Variants in SLC8A3 observed in about 807,000 individuals in gnomAD.
The protein encoded by SLC8A3 is solute carrier family 8 member A3.
Under a neutral mutation model 65.4 loss-of-function variants are expected in SLC8A3, and 37 were observed. The ratio of observed to expected loss-of-function variants is 0.57; its 90% CI spans 0.44 to 0.74. The LOEUF is 0.74. SLC8A3 is among the 30% of genes least tolerant of loss of function. SLC8A3 has a pLI of 0.00. For missense variants in SLC8A3, 1,112 were observed against 1,172.1 expected, an observed-to-expected ratio of 0.95 and a Z score of 0.75; for synonymous variants, 461 against 444.5, an observed-to-expected ratio of 1.04 and a Z score of -0.47.
intron 2 of SLC8A3, among the ~76,000 whole-genome samples, chr14:70,128,736 T>C (rs916602179): frequency 1.3e-5 from 2 of 152,220 alleles, no homozygotes; most frequent in Non-Finnish European, 2.9e-5. Flanking sequence ...GGATCAGGCC[T>C]CAAGTTGTTA....
At chr14:70,106,952 CA>C (rs1217799947) in intron 2 of SLC8A3, among the ~76,000 whole-genome samples, 1 of 152,096 alleles carries the variant, frequency 6.6e-6, no homozygotes, top group African/African-American at 2.4e-5. Context: ...TCAGCTGAAT[CA>C]TAAAAGATGA....
intron 2 of SLC8A3, among the ~76,000 whole-genome samples, chr14:70,101,052 G>A (rs554820485): frequency 6.6e-6 from 1 of 152,192 alleles, no homozygotes; most frequent in East Asian, 1.9e-4. Flanking sequence ...AAAGACAGAA[G>A]TCAATTCATT....
chr14:70,163,686 G>A (rs1897013896), intron 2 of SLC8A3, among the ~76,000 whole-genome samples: 1 of 152,160 alleles, frequency 6.6e-6, no homozygotes, highest in African/African-American at 2.4e-5. Context: ...AATTAAGCAA[G>A]TTGTCTGAAA....
chr14:70,138,685 T>C (rs1332804247), intron 2 of SLC8A3, among the ~76,000 whole-genome samples: 1 of 152,198 alleles, frequency 6.6e-6, no homozygotes, highest in African/African-American at 2.4e-5. Flanking sequence ...TCAGAAAAGA[T>C]GGTCTTTGTA....
intron 1 of SLC8A3, among the ~76,000 whole-genome samples, chr14:70,184,971 T>C (rs1430079513): frequency 1.3e-5 from 2 of 148,270 alleles, no homozygotes; most frequent in Non-Finnish European, 1.5e-5. Context: ...CTTTTCTTTT[T>C]TTTTTTTTTT....
intron 2 of SLC8A3, among the ~76,000 whole-genome samples, chr14:70,105,580 G>C (rs1376860883): frequency 6.6e-6 from 1 of 152,080 alleles, no homozygotes; most frequent in Admixed American, 6.5e-5. Context: ...ATGTATTAAA[G>C]AAATTGCATT....
rs900350967 is a variant in SLC8A3 at position 70,188,397 on chromosome 14, C to G, written c.-81G>C. 6.6e-6 allele frequency: 1 copy of G among 152,194 alleles called. No homozygotes were observed. The highest frequency in any genetic ancestry group is 1.5e-5 in the Non-Finnish European group (1 of 68,062). The allele number at this position is 152,194 out of a possible 1,614,324, so 9.4% of individuals were successfully genotyped here. A position where few individuals can be genotyped will look rare whatever the true frequency, so the allele number is the denominator to read the frequency against. ...TACTCACCGTTTCCTCTCGGCCTCCCGAGCGGAGTGGGCAAGGGAGGGGGG... is the reference window on the plus strand; with the variant it reads ...TACTCACCGTTTCCTCTCGGCCTCCGGAGCGGAGTGGGCAAGGGAGGGGGG... On this transcript the variant is annotated 5_prime_UTR_variant, in exon 1 of 7. Transcript: ENST00000356921.
intron 2 of SLC8A3, among the ~76,000 whole-genome samples, chr14:70,086,171 A>G (rs1891418355): frequency 6.6e-6 from 1 of 152,020 alleles, no homozygotes; most frequent in Non-Finnish European, 1.5e-5. Context: ...AACACATCTC[A>G]TTTAAGTCTC....
At chr14:70,156,401 C>T (rs1896576988) in intron 2 of SLC8A3, among the ~76,000 whole-genome samples, 1 of 152,188 alleles carries the variant, frequency 6.6e-6, no homozygotes, top group Non-Finnish European at 1.5e-5. Context: ...TCACTCCATG[C>T]AGTTCTTTCT....
intron 2 of SLC8A3, among the ~76,000 whole-genome samples, chr14:70,162,460 C>T (rs972917161): frequency 6.6e-6 from 1 of 152,204 alleles, no homozygotes; most frequent in Admixed American, 6.5e-5. Flanking sequence ...GAACGTGCAG[C>T]ACAGCCAACA....
intron 2 of SLC8A3, among the ~76,000 whole-genome samples, chr14:70,158,711 T>C (rs905263734): frequency 6.6e-6 from 1 of 152,204 alleles, no homozygotes; most frequent in African/African-American, 2.4e-5. Context: ...ACTGAACTTA[T>C]ATATATACAC....
At chr14:70,162,063 T>C (rs1896927757) in intron 2 of SLC8A3, among the ~76,000 whole-genome samples, 1 of 152,200 alleles carries the variant, frequency 6.6e-6, no homozygotes, top group Non-Finnish European at 1.5e-5. Flanking sequence ...TCCTGAACAG[T>C]TCAAGGTGAA....
At chr14:70,155,374 C>CAA (rs1896517825) in intron 2 of SLC8A3, among the ~76,000 whole-genome samples, 1 of 152,120 alleles carries the variant, frequency 6.6e-6, no homozygotes, top group Non-Finnish European at 1.5e-5. Flanking sequence ...ATTAACCAAC[C>CAA]TCTCCCTATC....
At chr14:70,173,892 A>T (rs1897704290) in intron 1 of SLC8A3, among the ~76,000 whole-genome samples, 1 of 152,236 alleles carries the variant, frequency 6.6e-6, no homozygotes, top group Admixed American at 6.5e-5. Context: ...TCTGCTGCTT[A>T]GGTAGCTTGA....
chr14:70,072,874 G>C, intron 2 of SLC8A3, among the ~76,000 whole-genome samples: 1 of 152,022 alleles, frequency 6.6e-6, no homozygotes, highest in East Asian at 1.9e-4. Context: ...TCTCAAACTC[G>C]TGACCTCAGG....
chr14:70,151,261 GA>G (rs57192683), intron 2 of SLC8A3, among the ~76,000 whole-genome samples: 60,296 of 125,394 alleles, frequency 0.48, 12,699 homozygotes, highest in African/African-American at 0.62. Flanking sequence ...CTCAAAAAAA[GA>G]AAAAAAAAAA....
At chr14:70,067,404 T>A (rs1344455470) in intron 2 of SLC8A3, among the ~76,000 whole-genome samples, 1 of 152,132 alleles carries the variant, frequency 6.6e-6, no homozygotes, top group Non-Finnish European at 1.5e-5. Context: ...GCATCCAGTA[T>A]CTCCAGGCAG....
At chr14:70,129,268 T>C (rs1894673306) in intron 2 of SLC8A3, among the ~76,000 whole-genome samples, 2 of 152,108 alleles carry the variant, frequency 1.3e-5, no homozygotes, top group Admixed American at 1.3e-4. Context: ...CACAGAAAAC[T>C]TGGTGTCCTG....
intron 1 of SLC8A3, among the ~76,000 whole-genome samples, chr14:70,173,355 A>C (rs1897668981): frequency 6.6e-6 from 1 of 152,102 alleles, no homozygotes; most frequent in African/African-American, 2.4e-5. Flanking sequence ...CTCTCAGTCA[A>C]ACTGATGCCC....
Sources: gnomAD v4.1 joint callset for allele counts (sites outside exome capture counted in the v4.1 genomes callset) on GRCh38, gnomAD v4.1.1 for gene constraint, MANE v1.5 for transcripts, NCBI Gene and HGNC (gene_info 2026-07-23, HGNC 2026-07-21) for gene names.